The following SLC35A1 variants were observed in gnomAD, a reference collection of about 807,000 sequenced individuals.
SLC35A1 encodes the protein solute carrier family 35 member A1.
A neutral mutation model predicts 40.3 loss-of-function variants in SLC35A1; 21 were observed. The ratio of observed to expected loss-of-function variants is 0.52; its 90% CI spans 0.37 to 0.75. The LOEUF (loss-of-function observed/expected upper bound fraction) is 0.75. Among genes scored for constraint, SLC35A1 ranks in the 30% least tolerant of loss-of-function variants. SLC35A1 has a pLI of 0.00. For synonymous variants in SLC35A1, 146 were observed against 147.3 expected (o/e 0.99, Z 0.06); for missense variants, 297 against 382.1 (o/e 0.78, Z 1.86).
intron 2 of SLC35A1, among the ~76,000 whole-genome samples, chr6:87,481,339 C>T (rs1769235847): frequency 6.6e-6 from 1 of 151,774 alleles, no homozygotes; most frequent in Non-Finnish European, 1.5e-5. Context: ...ATCGCTTGAA[C>T]CTGGGAGGCG....
chr6:87,489,818 C>A (rs371511725), intron 2 of SLC35A1, among the ~76,000 whole-genome samples: 43 of 150,900 alleles, frequency 2.8e-4, no homozygotes, highest in African/African-American at 9.7e-4. Flanking sequence ...GGTGAGCCAC[C>A]GCGCCTGGCC....
Position 87,511,842 on chromosome 6 carries a change from C to G in SLC35A1, c.*316C>G, listed in dbSNP as rs1770287223. ...AAAATCATGGTAAGGCTACAATACT[C>G]AAGTAACAAGGTTTGGGACAATGTC... On this transcript the variant is annotated 3_prime_UTR_variant, in exon 8 of 8. Coordinates refer to ENST00000369552, the MANE Select transcript of SLC35A1 (RefSeq NM_006416.5). 8.3e-6 allele frequency: 3 copies of G among 362,056 alleles called. No individual in the cohort carries two copies. The highest frequency in any genetic ancestry group is 7.2e-5 in the South Asian group (3 of 41,836). The allele number at this position is 362,056 out of a possible 1,614,324, so 22.4% of individuals were successfully genotyped here. A position where few individuals can be genotyped will look rare whatever the true frequency, so the allele number is the denominator to read the frequency against.
chr6:87,477,674 C>A, intron 2 of SLC35A1, 135 bp downstream of exon 2: 1 of 766,618 alleles, frequency 1.3e-6, no homozygotes, highest in Non-Finnish European at 2.2e-6. Context: ...ATTTTGCCCC[C>A]CAGAAGATTT....
intron 1 of SLC35A1, 86 bp downstream of exon 1, chr6:87,473,105 C>A: frequency 2.4e-6 from 1 of 417,456 alleles, no homozygotes; most frequent in Non-Finnish European, 4.3e-6. Flanking sequence ...TGTCGGGCAG[C>A]GGAGCACCCT....
At chr6:87,476,078 A>G (rs148396383) in intron 1 of SLC35A1, among the ~76,000 whole-genome samples, 44 of 152,324 alleles carry the variant, frequency 2.9e-4, no homozygotes, top group African/African-American at 9.9e-4. Flanking sequence ...CTTGGTACCC[A>G]CTGCTTATGG....
At chr6:87,482,083 C>G (rs1769260373) in intron 2 of SLC35A1, among the ~76,000 whole-genome samples, 1 of 152,208 alleles carries the variant, frequency 6.6e-6, no homozygotes, top group African/African-American at 2.4e-5. Flanking sequence ...ACATTTCTTG[C>G]ATAAGTTCCC....
At chr6:87,505,205 G>A (rs1770041276) in intron 4 of SLC35A1, among the ~76,000 whole-genome samples, 1 of 152,002 alleles carries the variant, frequency 6.6e-6, no homozygotes, top group South Asian at 2.1e-4. Context: ...ACCATAAAGT[G>A]GCACTTTTCT....
intron 2 of SLC35A1, among the ~76,000 whole-genome samples, chr6:87,490,638 T>C (rs1327016886): frequency 1.3e-5 from 2 of 152,038 alleles, no homozygotes; most frequent in African/African-American, 2.4e-5. Context: ...TTCTTTCACG[T>C]TGGGGTAAAA....
At chr6:87,511,232 C>A (rs560298114) in intron 7 of SLC35A1, among the ~76,000 whole-genome samples, 167 bp from the exon 8 acceptor site, 1 of 152,060 alleles carries the variant, frequency 6.6e-6, no homozygotes, top group African/African-American at 2.4e-5. Context: ...CTGCCTCCCC[C>A]TCTCCTTTTT....
At chr6:87,506,811 G>C in intron 5 of SLC35A1, 1 of 278,626 alleles carries the variant, frequency 3.6e-6, no homozygotes, top group Non-Finnish European at 7.0e-6. Flanking sequence ...TGCTGCTTTA[G>C]GTTGTTAATG....
At chr6:87,482,435 T>C (rs375069153) in intron 2 of SLC35A1, among the ~76,000 whole-genome samples, 1 of 152,250 alleles carries the variant, frequency 6.6e-6, no homozygotes, top group East Asian at 1.9e-4. Flanking sequence ...TTGCTATTAA[T>C]AAGACTTTCT....
At chr6:87,505,378 G>C (rs930579651) in intron 4 of SLC35A1, among the ~76,000 whole-genome samples, 1 of 152,154 alleles carries the variant, frequency 6.6e-6, no homozygotes, top group African/African-American at 2.4e-5. Context: ...AGAAAATAAA[G>C]TGAAACAGAG....
chr6:87,479,986 A>G lies in SLC35A1; in HGVS notation c.194+2447A>G, dbSNP rs939220893. Among the ~76,000 whole-genome samples, 6 of 152,322 alleles carry G rather than the reference A, an allele frequency of 3.9e-5. No homozygotes were observed. The Middle Eastern group carries it at 0.014, about 345-fold the overall frequency. ...TTGATGAAATGCCAGAGTAAAAGGG[A>G]TAGCCAATTGAACTAGAGCATAACT... On this transcript the variant is annotated intron_variant, in intron 2 of 7. Transcript: ENST00000369552.
chr6:87,473,064 CGGCG>C, intron 1 of SLC35A1, 45 bp downstream of exon 1: 1 of 478,542 alleles, frequency 2.1e-6, no homozygotes, highest in Non-Finnish European at 3.5e-6. Context: ...CGGGGGGCGG[CGGCG>C]GGCGAGCATC....
chr6:87,500,027 G>A (rs1313793398), intron 2 of SLC35A1, among the ~76,000 whole-genome samples: 2 of 152,092 alleles, frequency 1.3e-5, no homozygotes, highest in Non-Finnish European at 2.9e-5. Flanking sequence ...ACTTGAACAC[G>A]GGAGGTGGAG....
rs1481430829 is a variant in SLC35A1 at position 87,489,853 on chromosome 6, A to T, written c.195-10655A>T. On this transcript the variant is annotated intron_variant, in intron 2 of 7. Coordinates refer to ENST00000369552, the MANE Select transcript of SLC35A1 (RefSeq NM_006416.5). ...CAAATTTTTTTTTTTTTTTTTTAAT[A>T]CCAGTCTCAGGTATTCTTTCACAGC... Among the ~76,000 whole-genome samples, 9 of 147,188 alleles carry T rather than the reference A, an allele frequency of 6.1e-5. No homozygotes were observed. In the East Asian group the frequency reaches 7.9e-4, roughly 13 times the overall value.
intron 1 of SLC35A1, among the ~76,000 whole-genome samples, chr6:87,473,668 G>A (rs1462797401): frequency 6.6e-6 from 1 of 152,202 alleles, no homozygotes; most frequent in African/African-American, 2.4e-5. Flanking sequence ...CTGAGGGATG[G>A]CACATTCGGG....
At chr6:87,478,733 A>G (rs747626448) in intron 2 of SLC35A1, among the ~76,000 whole-genome samples, 1 of 152,224 alleles carries the variant, frequency 6.6e-6, no homozygotes, top group Non-Finnish European at 1.5e-5. Flanking sequence ...TATGAAAAAT[A>G]TGTGTTATAA....
intron 2 of SLC35A1, chr6:87,496,151 A>T (rs1769718573): frequency 6.6e-6 from 1 of 152,142 alleles, no homozygotes; most frequent in South Asian, 2.1e-4. Flanking sequence ...AATGAGGCCT[A>T]CTTTTGACCA....
Sources: gnomAD v4.1 joint callset for allele counts (sites outside exome capture counted in the v4.1 genomes callset) on GRCh38, gnomAD v4.1.1 for gene constraint, MANE v1.5 for transcripts, NCBI Gene and HGNC (gene_info 2026-07-23, HGNC 2026-07-21) for gene names.